Variants in CCDC7 observed in about 807,000 individuals in gnomAD.
CCDC7 encodes coiled-coil domain-containing protein 7.
CCDC7 carries 183 observed loss-of-function variants against 196.9 expected under a neutral mutation model. The ratio of observed to expected loss-of-function variants is 0.93; its 90% CI spans 0.82 to 1.05. The LOEUF (loss-of-function observed/expected upper bound fraction) is 1.05, where lower values mean the gene tolerates loss of function less well. Among genes scored for constraint, CCDC7 ranks in the 50% least tolerant of loss-of-function variants. The pLI is 0.00. For missense variants in CCDC7, 1,540 were observed against 1,482.2 expected, an observed-to-expected ratio of 1.04 and a Z score of -0.64; for synonymous variants, 525 against 484.6, an observed-to-expected ratio of 1.08 and a Z score of -1.10.
intron 18 of CCDC7, among the ~76,000 whole-genome samples, chr10:32,595,768 A>T (rs1310240631): frequency 6.6e-6 from 1 of 152,164 alleles, no homozygotes. Flanking sequence ...GTTTTAAAGA[A>T]CATCTTTATT....
intron 28 of CCDC7, among the ~76,000 whole-genome samples, chr10:32,731,151 C>A (rs559650140): frequency 6.6e-6 from 1 of 152,136 alleles, no homozygotes; most frequent in South Asian, 2.1e-4. Context: ...GTTAGATTTT[C>A]CTTTGAACTC....
At position 32,823,655 on chromosome 10, in the gene CCDC7, A is replaced by G. The variant is rs180862913; in HGVS notation, c.3182-863A>G. ...CTCTGCTAAAACCAACTTTGACACA[A>G]AAAACTTCAGGTTTAATAAACCAGG... is the stretch of plus-strand genomic sequence containing the variant. On this transcript the variant is annotated intron_variant, in intron 31 of 41. Transcript: ENST00000639629. 4.1e-4 allele frequency among the ~76,000 whole-genome samples: 63 copies of G among 152,340 alleles called. 1 individual carries two copies. The South Asian group carries it at 6.6e-3, about 16-fold the overall frequency.
chr10:32,513,249 A>T (rs1435810378), intron 9 of CCDC7: 1 of 152,160 alleles, frequency 6.6e-6, no homozygotes, highest in Non-Finnish European at 1.5e-5. Context: ...AAATTAGATA[A>T]CTTAGATGAT....
chr10:32,453,972 G>A (rs1027919616), intron 2 of CCDC7, among the ~76,000 whole-genome samples: 2 of 152,162 alleles, frequency 1.3e-5, no homozygotes, highest in African/African-American at 4.8e-5. Flanking sequence ...ACTAACTGGT[G>A]AATGGATAAG....
chr10:32,549,050 A>G (rs1371179257), intron 13 of CCDC7, among the ~76,000 whole-genome samples: 1 of 152,068 alleles, frequency 6.6e-6, no homozygotes, highest in Non-Finnish European at 1.5e-5. Context: ...GTGTTCTCTG[A>G]TCACCGCATC....
chr10:32,765,009 T>G (rs1255287641), intron 28 of CCDC7, among the ~76,000 whole-genome samples: 4 of 151,954 alleles, frequency 2.6e-5, no homozygotes, highest in Non-Finnish European at 5.9e-5. Context: ...AAATTCTTAC[T>G]TAATCTGTAT....
At chr10:32,506,656 A>G (rs1045678515) in intron 9 of CCDC7, among the ~76,000 whole-genome samples, 1 of 152,200 alleles carries the variant, frequency 6.6e-6, no homozygotes, top group South Asian at 2.1e-4. Flanking sequence ...GCTGGAGACC[A>G]GCCCAGTCAA....
intron 32 of CCDC7, among the ~76,000 whole-genome samples, chr10:32,833,353 T>TTAA (rs756855173): frequency 1.3e-5 from 2 of 150,040 alleles, no homozygotes; most frequent in African/African-American, 4.9e-5. Context: ...ACCCTTTTTT[T>TTAA]AAAAAAAAAA....
chr10:32,614,260 T>C (rs1205599351), intron 18 of CCDC7, among the ~76,000 whole-genome samples: 1 of 152,022 alleles, frequency 6.6e-6, no homozygotes, highest in African/African-American at 2.4e-5. Flanking sequence ...CTTTTTTTTT[T>C]TGCTTTGCTT....
At chr10:32,676,519 A>T (rs941829864) in intron 21 of CCDC7, among the ~76,000 whole-genome samples, 1 of 152,100 alleles carries the variant, frequency 6.6e-6, no homozygotes, top group Non-Finnish European at 1.5e-5. Flanking sequence ...AAACAAATTT[A>T]CAAGAAAAAA....
At chr10:32,483,592 T>A (rs1321825079) in intron 8 of CCDC7, among the ~76,000 whole-genome samples, 30 of 152,188 alleles carry the variant, frequency 2.0e-4, no homozygotes, top group Admixed American at 6.6e-5. Context: ...CTGAATGGTA[T>A]TGCCTAGGTT....
At chr10:32,813,072 A>G (rs552239712) in intron 30 of CCDC7, among the ~76,000 whole-genome samples, 4 of 151,774 alleles carry the variant, frequency 2.6e-5, no homozygotes, top group Admixed American at 6.6e-5. Context: ...TTATTCATGT[A>G]TTCACCAATT....
chr10:32,559,045 C>T (rs1028195440), intron 13 of CCDC7, among the ~76,000 whole-genome samples: 6 of 152,234 alleles, frequency 3.9e-5, no homozygotes, highest in Non-Finnish European at 7.3e-5. Flanking sequence ...GGTCGTACGC[C>T]CACGGAGTCT....
intron 8 of CCDC7, among the ~76,000 whole-genome samples, chr10:32,480,979 A>G (rs111951287): frequency 1.6e-4 from 24 of 151,952 alleles, no homozygotes; most frequent in African/African-American, 5.8e-4. Flanking sequence ...ATTGCTGTCT[A>G]TCTCTCTCTT....
intron 8 of CCDC7, among the ~76,000 whole-genome samples, chr10:32,481,252 A>G (rs1331159131): frequency 1.3e-5 from 2 of 152,052 alleles, no homozygotes; most frequent in Non-Finnish European, 2.9e-5. Flanking sequence ...TTTTTTATTC[A>G]TTCAGCCCTT....
chr10:32,792,849 CAAT>C (rs1216199153), intron 29 of CCDC7, among the ~76,000 whole-genome samples: 1 of 151,758 alleles, frequency 6.6e-6, no homozygotes, highest in East Asian at 1.9e-4. Context: ...GATTTACAAA[CAAT>C]AAAGAGAAAA....
intron 28 of CCDC7, among the ~76,000 whole-genome samples, chr10:32,760,388 A>G (rs2077246990): frequency 6.6e-6 from 1 of 152,086 alleles, no homozygotes; most frequent in Non-Finnish European, 1.5e-5. Context: ...AATGTGGCAC[A>G]TATACACCAT....
intron 9 of CCDC7, among the ~76,000 whole-genome samples, chr10:32,510,357 A>G (rs1197559039): frequency 1.3e-5 from 2 of 152,172 alleles, no homozygotes; most frequent in African/African-American, 4.8e-5. Context: ...TAGATCTATT[A>G]TACAGCAGAA....
chr10:32,521,198 C>T (rs1358542128), intron 11 of CCDC7, among the ~76,000 whole-genome samples: 2 of 151,970 alleles, frequency 1.3e-5, no homozygotes, highest in Non-Finnish European at 2.9e-5. Flanking sequence ...TTTGGCTATT[C>T]TGGGGCTTTT....
Sources: allele counts gnomAD v4.1 joint callset (sites outside exome capture counted in the v4.1 genomes callset), GRCh38; gene constraint gnomAD v4.1.1; transcripts MANE v1.5; gene names NCBI Gene and HGNC (gene_info 2026-07-23, HGNC 2026-07-21).